Variants in AAAS observed in about 807,000 individuals in gnomAD.
AAAS encodes aladin WD repeat nucleoporin.
Under a neutral mutation model 75.6 loss-of-function variants are expected in AAAS, and 60 were observed. The observed-to-expected ratio is 0.79, with a 90% CI of 0.64 to 0.98. The LOEUF (loss-of-function observed/expected upper bound fraction) is 0.98, where lower values mean the gene tolerates loss of function less well. Ranked by LOEUF, AAAS falls within the 50% of genes least tolerant of loss-of-function variation. AAAS has a pLI of 0.00. For synonymous variants in AAAS, 271 were observed against 265.0 expected (o/e 1.02, Z -0.22); for missense variants, 658 against 686.9 (o/e 0.96, Z 0.47).
chr12:53,312,045 A>G (rs1466008475), intron 7 of AAAS, among the ~76,000 whole-genome samples: 2 of 152,156 alleles, frequency 1.3e-5, no homozygotes, highest in Non-Finnish European at 2.9e-5. Flanking sequence ...AAGGGAGGAC[A>G]GGCCGGGCAT....
intron 4 of AAAS, 63 bp downstream of exon 4, chr12:53,315,272 A>C (rs375243736): frequency 1.9e-6 from 3 of 1,599,576 alleles, no homozygotes; most frequent in East Asian, 2.2e-5. Context: ...AAGGATAGGA[A>C]TGAGGGCAGA....
intron 2 of AAAS, among the ~76,000 whole-genome samples, chr12:53,319,199 C>A (rs1944513548): frequency 6.6e-6 from 1 of 151,526 alleles, no homozygotes; most frequent in African/African-American, 2.4e-5. Flanking sequence ...TATTAAGTAA[C>A]CCTTTTTTTT....
Position 53,314,315 on chromosome 12 carries a change from A to G in AAAS, c.672T>C (p.Pro224=). The change falls in exon 7 of 16, where the codon CCT becomes CCC. Residue 224 remains proline (P), a synonymous_variant. Transcript: ENST00000209873. Reference sequence around the variant, plus strand: ...GGACTTACCGGGTAGACAAGGAGGTAGGGTCCAGGGTCCAGATAAGAATGC... The same window carrying G: ...GGACTTACCGGGTAGACAAGGAGGTGGGGTCCAGGGTCCAGATAAGAATGC... The part of the protein sequence containing the change: ...QSCILIWTLD[P]TSLSTRPSSG... 3.1e-6 allele frequency: 5 copies of G among 1,614,206 alleles called. No homozygotes were observed. The highest frequency in any genetic ancestry group is 4.2e-6 in the Non-Finnish European group (5 of 1,180,024).
chr12:53,307,778 T>C, intron 15 of AAAS, 65 bp from the exon 16 acceptor site: 3 of 1,612,790 alleles, frequency 1.9e-6, no homozygotes, highest in Non-Finnish European at 1.7e-6. Flanking sequence ...GGCAGAGCCA[T>C]ACAGCAGCCA....
intron 7 of AAAS, among the ~76,000 whole-genome samples, chr12:53,311,940 C>A (rs1300610778): frequency 6.6e-6 from 1 of 151,714 alleles, no homozygotes; most frequent in Non-Finnish European, 1.5e-5. Context: ...TCTGTGATCA[C>A]GTGTTTTTTT....
rs1944329544 is a variant in AAAS at position 53,308,390 on chromosome 12, C to T, written c.1182-41G>A. Reference sequence around the variant, plus strand: ...GGTTAGGAGAGTTTCAGTGTGGTCCCTCCCACCTGCTTTTCACTGCCACTC... The same window carrying T: ...GGTTAGGAGAGTTTCAGTGTGGTCCTTCCCACCTGCTTTTCACTGCCACTC... On this transcript the variant is annotated intron_variant, in intron 12 of 15. Transcript: ENST00000209873. The T allele has an allele frequency of 1.9e-6, 3 of 1,614,122 alleles. No individual in the cohort carries two copies. In the East Asian group the frequency reaches 6.7e-5, roughly 36 times the overall value.
intron 7 of AAAS, 55 bp from the exon 8 acceptor site, chr12:53,309,776 A>G: frequency 6.3e-7 from 1 of 1,598,914 alleles, no homozygotes; most frequent in Non-Finnish European, 8.5e-7. Flanking sequence ...GCCATCCCCA[A>G]AATTCTATTT....
Position 53,314,387 on chromosome 12 carries a change from G to A in AAAS, c.600C>T (p.Ala200=). ...HRLQRNVASL[A]WKPLSASVLA... ...AGACAGAGGCACTAAGGGGCTTCCA[G>A]GCCAGAGACGCCACATTTCGCTGCA... is the stretch of plus-strand genomic sequence containing the variant. Residue 200 remains alanine, a synonymous_variant, in exon 7 of 16, where the codon GCC becomes GCT. Transcript: ENST00000209873. 1 of 1,614,142 alleles carries A rather than the reference G, an allele frequency of 6.2e-7. No homozygotes were observed. Among genetic ancestry groups the A allele is most frequent in the Non-Finnish European group, 8.5e-7 (1 of 1,180,012 alleles).
chr12:53,316,285 A>C (rs2136813497), intron 2 of AAAS, among the ~76,000 whole-genome samples: 2 of 151,626 alleles, frequency 1.3e-5, no homozygotes, highest in Admixed American at 1.3e-4. Flanking sequence ...CCCCGTCTCT[A>C]CTAAAAATGC....
In AAAS at chr12:53,320,565, C is replaced by T. The variant is rs754637718; in HGVS notation, c.251G>A (p.Trp84Ter). The T allele has an allele frequency of 2.5e-5, 40 of 1,613,688 alleles. No individual in the cohort carries two copies. Among genetic ancestry groups the T allele is most frequent in the Non-Finnish European group, 3.4e-5 (40 of 1,179,984 alleles). Residue 84 changes from tryptophan (W) to a stop codon, truncating the protein, a stop_gained and splice_region_variant, in exon 2 of 16, where the codon TGG (tryptophan) becomes TAG (stop). Transcript: ENST00000209873. LOFTEE classifies it high-confidence loss of function. ...CAGGAAACCCTTTGCCATGCCTCAC[C>T]AAATGTTGATGCATCTCTTCCACAC... ...EQVWKRCINI[W>*]RDVGLFGVLN... is the part of the protein sequence containing the mutation.
intron 2 of AAAS, among the ~76,000 whole-genome samples, chr12:53,316,692 T>C (rs7976581): frequency 0.95 from 139,733 of 146,758 alleles, 66,844 homozygotes; most frequent in East Asian, 1. Context: ...ACCCGGGAGG[T>C]GGCGATTGCA....
intron 7 of AAAS, among the ~76,000 whole-genome samples, chr12:53,311,343 G>A (rs765963721): frequency 5.3e-5 from 8 of 152,124 alleles, no homozygotes; most frequent in East Asian, 3.9e-4. Flanking sequence ...TCACTGAAAC[G>A]TCCACCTCCT....
chr12:53,313,712 G>A (rs576627258), intron 7 of AAAS, among the ~76,000 whole-genome samples: 21 of 151,680 alleles, frequency 1.4e-4, no homozygotes, highest in Non-Finnish European at 2.8e-4. Flanking sequence ...AGATTCAAGC[G>A]ATTCTCCTGC....
intron 2 of AAAS, among the ~76,000 whole-genome samples, chr12:53,318,322 A>G (rs1343318274): frequency 6.7e-6 from 1 of 150,062 alleles, no homozygotes; most frequent in Non-Finnish European, 1.5e-5. Context: ...AGTGGTGTGA[A>G]CTCGGCTCAC....
At chr12:53,321,184 C>T (rs1944548283) in intron 1 of AAAS, 159 bp downstream of exon 1, 6 of 1,188,246 alleles carry the variant, frequency 5.0e-6, no homozygotes, top group Non-Finnish European at 7.0e-6. Context: ...AATCCCAGTC[C>T]TAAAACAGAT....
chr12:53,314,209 G>C (rs904564669), intron 7 of AAAS, 89 bp downstream of exon 7: 5 of 1,570,888 alleles, frequency 3.2e-6, no homozygotes, highest in East Asian at 2.2e-5. Context: ...TGAGGACAAA[G>C]AACTTCTCCT....
chr12:53,312,264 C>T (rs1364202630), intron 7 of AAAS, among the ~76,000 whole-genome samples: 1 of 150,784 alleles, frequency 6.6e-6, no homozygotes, highest in African/African-American at 2.4e-5. Flanking sequence ...ACTTTGGTAA[C>T]TTATATTTTG....
Position 53,307,611 on chromosome 12 carries a change from CAGCAGGGGGTTCCTGGGCCCGCCCA to C in AAAS, c.1494_1518del (p.Arg500ValfsTer43). 1 of 1,614,192 alleles carries C rather than the reference CAGCAGGGGGTTCCTGGGCCCGCCCA, an allele frequency of 6.2e-7. No homozygotes were observed. The highest frequency in any genetic ancestry group is 1.1e-5 in the South Asian group (1 of 91,088). ...AGGTCATGAATAGAGCCTCCACCCC[CAGCAGGGGGTTCCTGGGCCCGCCCA>C]AGCACTGGGCTAAAACGTGGAAACT... On this transcript the variant is annotated frameshift_variant, in exon 16 of 16. Transcript: ENST00000209873. LOFTEE classifies it high-confidence loss of function.
chr12:53,311,198 C>T (rs1944384092), intron 7 of AAAS, among the ~76,000 whole-genome samples: 1 of 152,188 alleles, frequency 6.6e-6, no homozygotes, highest in South Asian at 2.1e-4. Flanking sequence ...TCTGCCTCAG[C>T]CTCCGAAAGT....
Sources: gnomAD v4.1 joint callset for allele counts (sites outside exome capture counted in the v4.1 genomes callset) on GRCh38, gnomAD v4.1.1 for gene constraint, MANE v1.5 for transcripts, NCBI Gene and HGNC (gene_info 2026-07-23, HGNC 2026-07-21) for gene names.